Variants in DGLUCY observed in about 807,000 individuals in gnomAD.
The protein encoded by DGLUCY is D-glutamate cyclase, mitochondrial.
A neutral mutation model predicts 58.5 loss-of-function variants in DGLUCY; 58 were observed. That is an observed-to-expected ratio of 0.99 (90% CI 0.80 to 1.23). The LOEUF (loss-of-function observed/expected upper bound fraction) is 1.23. Among genes scored for constraint, DGLUCY ranks in the 50% most tolerant of loss-of-function variants. DGLUCY has a pLI of 0.00. For synonymous variants in DGLUCY, 325 were observed against 314.1 expected, an observed-to-expected ratio of 1.03 and a Z score of -0.37; for missense variants, 779 against 784.7, an observed-to-expected ratio of 0.99 and a Z score of 0.09.
intron 8 of DGLUCY, among the ~76,000 whole-genome samples, chr14:91,188,503 A>T (rs1308393062): frequency 5.1e-4 from 78 of 151,584 alleles, no homozygotes; most frequent in Non-Finnish European, 7.4e-5. Flanking sequence ...AACCCAAACT[A>T]CTCTTACTGT....
At chr14:91,210,246 G>A (rs1197405392) in intron 12 of DGLUCY, among the ~76,000 whole-genome samples, 1 of 152,154 alleles carries the variant, frequency 6.6e-6, no homozygotes, top group East Asian at 1.9e-4. Flanking sequence ...ATGGGGGGGA[G>A]CATAACTGAT....
At chr14:91,154,433 T>G (rs893394699) in intron 1 of DGLUCY, among the ~76,000 whole-genome samples, 2 of 152,134 alleles carry the variant, frequency 1.3e-5, no homozygotes, top group African/African-American at 2.4e-5. Flanking sequence ...GACTTTGGGT[T>G]CTGTCTATTC....
At chr14:91,085,158 G>A (rs112646210) in intron 1 of DGLUCY, among the ~76,000 whole-genome samples, 8 of 150,186 alleles carry the variant, frequency 5.3e-5, no homozygotes, top group African/African-American at 2.0e-4. Flanking sequence ...GGAGGTTGAG[G>A]CTTCAGTGAG....
At chr14:91,116,835 T>G (rs189244602) in intron 1 of DGLUCY, among the ~76,000 whole-genome samples, 9 of 151,820 alleles carry the variant, frequency 5.9e-5, no homozygotes, top group Non-Finnish European at 1.2e-4. Flanking sequence ...TCCCAGCTAT[T>G]TGGGAGGCTG....
At chr14:91,136,222 C>T (rs904513716) in intron 1 of DGLUCY, among the ~76,000 whole-genome samples, 4 of 151,772 alleles carry the variant, frequency 2.6e-5, no homozygotes, top group African/African-American at 9.7e-5. Flanking sequence ...CTTGAGCCAC[C>T]GAGCCCGGCC....
At chr14:91,135,655 A>T (rs889966811) in intron 1 of DGLUCY, among the ~76,000 whole-genome samples, 85 of 147,868 alleles carry the variant, frequency 5.7e-4, no homozygotes, top group African/African-American at 2.0e-3. Flanking sequence ...TGCCTCATTA[A>T]AAAAAAAAAA....
intron 3 of DGLUCY, among the ~76,000 whole-genome samples, chr14:91,163,533 G>A (rs913429022): frequency 8.5e-5 from 13 of 152,188 alleles, no homozygotes; most frequent in African/African-American, 2.4e-4. Context: ...CGGGCCCTGC[G>A]ATTTGAGCAG....
chr14:91,127,380 G>T (rs2045767301), intron 1 of DGLUCY, among the ~76,000 whole-genome samples: 1 of 152,182 alleles, frequency 6.6e-6, no homozygotes, highest in South Asian at 2.1e-4. Context: ...ATAACTCTGT[G>T]AGCTGCCAAC....
At chr14:91,065,242 C>G (rs995601283) in intron 1 of DGLUCY, among the ~76,000 whole-genome samples, 15 of 152,120 alleles carry the variant, frequency 9.9e-5, no homozygotes, top group Admixed American at 5.2e-4. Flanking sequence ...GCACAGGGCT[C>G]CAGTGGAGTT....
intron 1 of DGLUCY, among the ~76,000 whole-genome samples, chr14:91,067,951 A>C (rs2043850247): frequency 6.6e-6 from 1 of 152,170 alleles, no homozygotes; most frequent in Admixed American, 6.6e-5. Flanking sequence ...AGACCAACAC[A>C]GTTAGGGGGT....
chr14:91,179,822 C>T (rs1008809662), intron 7 of DGLUCY, among the ~76,000 whole-genome samples: 2 of 149,446 alleles, frequency 1.3e-5, no homozygotes, highest in Non-Finnish European at 3.0e-5. Context: ...AAGCACTTTG[C>T]TGAACACTTT....
chr14:91,148,073 G>T (rs1395481714), intron 1 of DGLUCY, among the ~76,000 whole-genome samples: 2 of 152,068 alleles, frequency 1.3e-5, no homozygotes, highest in Non-Finnish European at 2.9e-5. Context: ...ACTTGGGAGG[G>T]TGAGGCAGGA....
At chr14:91,213,856 C>T (rs76178779) in intron 12 of DGLUCY, among the ~76,000 whole-genome samples, 2,000 of 152,064 alleles carry the variant, frequency 0.013, 57 homozygotes, top group African/African-American at 0.046. Flanking sequence ...CCCTCCACCA[C>T]GCCCTGCTGA....
intron 1 of DGLUCY, chr14:91,147,865 T>G (rs759498396): frequency 6.6e-6 from 1 of 152,224 alleles, no homozygotes; most frequent in Non-Finnish European, 1.5e-5. Flanking sequence ...GAAGGTAATT[T>G]TATTCTCAAT....
Position 91,062,546 on chromosome 14 carries a change from TA to T in DGLUCY, c.-82+1855del, listed in dbSNP as rs745934410. Reference sequence around the variant, plus strand: ...CTGGGCAACAGAGCGAGACTCTGTCTAAAAAAAAAAAAATATATATATATAT... The same window carrying T: ...CTGGGCAACAGAGCGAGACTCTGTCTAAAAAAAAAAAATATATATATATAT... On this transcript the variant is annotated intron_variant, in intron 1 of 4. Transcript: ENST00000521334. 5.7e-3 allele frequency among the ~76,000 whole-genome samples: 103 copies of T among 18,166 alleles called. 2 individuals carry two copies. The highest frequency in any genetic ancestry group is 0.11 in the Middle Eastern group (2 of 18). 11.9% of individuals were successfully genotyped at this position (18,166 alleles called of 152,430 possible).
At chr14:91,129,204 TAAAGA>T (rs1454636436) in intron 1 of DGLUCY, among the ~76,000 whole-genome samples, 1 of 152,150 alleles carries the variant, frequency 6.6e-6, no homozygotes, top group Non-Finnish European at 1.5e-5. Flanking sequence ...ATGTTCAACT[TAAAGA>T]ATAGTAAACA....
At chr14:91,121,562 G>A (rs1250236604) in intron 1 of DGLUCY, among the ~76,000 whole-genome samples, 1 of 150,888 alleles carries the variant, frequency 6.6e-6, no homozygotes, top group Non-Finnish European at 1.5e-5. Context: ...GGTGGCGATC[G>A]CGCCACTGCA....
chr14:91,077,376 A>G (rs913954804), intron 1 of DGLUCY, among the ~76,000 whole-genome samples: 2 of 149,308 alleles, frequency 1.3e-5, no homozygotes, highest in East Asian at 4.0e-4. Context: ...GGAGGAAGGA[A>G]GGAAAGGAAG....
Position 91,205,842 on chromosome 14 carries a change from CTTTTTTTT to C in DGLUCY, c.1564+1033_1564+1040del, listed in dbSNP as rs36096639. On this transcript the variant is annotated intron_variant, in intron 12 of 13. Coordinates refer to ENST00000256324, the MANE Select transcript of DGLUCY (RefSeq NM_001102368.3). ...TCCTCCTCCTCCCTTTCTTCTTCTT[CTTTTTTTT>C]TTTTTTTTTTTTTTTGAGCGTGCTT... Among the ~76,000 whole-genome samples, 876 of 70,730 alleles carry C rather than the reference CTTTTTTTT, an allele frequency of 0.012. 50 individuals carry two copies. In the Admixed American group the frequency reaches 0.15, roughly 12 times the overall value. 46.4% of individuals were successfully genotyped at this position (70,730 alleles called of 152,430 possible). A position where few individuals can be genotyped will look rare whatever the true frequency, so the allele number is the denominator to read the frequency against.
Sources: allele counts gnomAD v4.1 joint callset (sites outside exome capture counted in the v4.1 genomes callset), GRCh38; gene constraint gnomAD v4.1.1; transcripts MANE v1.5; gene names NCBI Gene and HGNC (gene_info 2026-07-23, HGNC 2026-07-21).